Variants in CUX1 observed in about 807,000 individuals in gnomAD.
The protein encoded by CUX1 is protein CASP.
In CUX1, 31 loss-of-function variants were observed where a neutral mutation model predicts 158.8. The ratio of observed to expected loss-of-function variants is 0.20; its 90% CI spans 0.15 to 0.26. The LOEUF is 0.26. Among genes scored for constraint, CUX1 ranks in the 10% least tolerant of loss-of-function variants. The probability of loss-of-function intolerance (pLI) is 1.00; values close to 1 mark genes in which losing one functional copy is unlikely to be tolerated. For missense variants in CUX1, 1,589 were observed against 2,014.6 expected (o/e 0.79, Z 4.04); for synonymous variants, 879 against 862.1 (o/e 1.02, Z -0.34).
At chr7:101,881,439 C>T (rs929315445) in intron 1 of CUX1, among the ~76,000 whole-genome samples, 8 of 152,168 alleles carry the variant, frequency 5.3e-5, no homozygotes, top group Non-Finnish European at 7.3e-5. Context: ...CTGGCAGGCC[C>T]GAGTTGTTTG....
chr7:101,823,591 A>G (rs956486994), intron 1 of CUX1, among the ~76,000 whole-genome samples: 1 of 152,232 alleles, frequency 6.6e-6, no homozygotes, highest in Non-Finnish European at 1.5e-5. Context: ...CTGAGACACC[A>G]GGGAAGTGGC....
At chr7:101,859,365 G>C (rs1562937182) in intron 1 of CUX1, among the ~76,000 whole-genome samples, 1 of 152,194 alleles carries the variant, frequency 6.6e-6, no homozygotes, top group Non-Finnish European at 1.5e-5. Context: ...CTGAACCTGC[G>C]TGATTCAGCT....
chr7:102,037,597 C>G (rs557282220), intron 3 of CUX1, among the ~76,000 whole-genome samples: 1 of 151,584 alleles, frequency 6.6e-6, no homozygotes, highest in East Asian at 2.0e-4. Context: ...TGTGATCCAC[C>G]CACCTCGGCT....
At chr7:101,856,065 C>T (rs1796774879) in intron 1 of CUX1, among the ~76,000 whole-genome samples, 1 of 150,834 alleles carries the variant, frequency 6.6e-6, no homozygotes. Context: ...TCTGTAGTCT[C>T]AGCTCCTTGG....
intron 1 of CUX1, among the ~76,000 whole-genome samples, chr7:101,882,014 C>T (rs1799761013): frequency 2.0e-5 from 1 of 51,260 alleles, no homozygotes; most frequent in African/African-American, 7.7e-5. Context: ...CTTGTCTCTA[C>T]CCAAAAATAA....
intron 22 of CUX1, among the ~76,000 whole-genome samples, chr7:102,237,409 G>A (rs1183831979): frequency 3.3e-5 from 5 of 150,972 alleles, no homozygotes; most frequent in South Asian, 2.1e-4. Context: ...CCAGCTACCC[G>A]AGTAGCTGGG....
chr7:101,871,599 G>T (rs968196072), intron 1 of CUX1, among the ~76,000 whole-genome samples: 1 of 152,158 alleles, frequency 6.6e-6, no homozygotes, highest in Admixed American at 6.5e-5. Flanking sequence ...TGCAAGAGCC[G>T]GAAGGATGCA....
chr7:102,197,763 C>T lies in CUX1; in HGVS notation c.1894+458C>T, dbSNP rs1335242601. ...TAGGGAGAACACATCACAGATGACA[C>T]CTCCCCTCTTCCCACCCCGCAGAAG... On this transcript the variant is annotated intron_variant, in intron 15 of 23. Transcript: ENST00000292535. Among the ~76,000 whole-genome samples the T allele has an allele frequency of 2.0e-5, 3 of 152,076 alleles. No individual in the cohort carries two copies. In the South Asian group the frequency reaches 6.2e-4, roughly 32 times the overall value.
rs540210008 is a variant in CUX1, at chr7:102,201,608, C to T, written c.2311C>T (p.Pro771Ser). 6.2e-7 allele frequency: 1 copy of T among 1,614,050 alleles called. No homozygotes were observed. The highest frequency in any genetic ancestry group is 1.1e-5 in the South Asian group (1 of 91,086). The change falls in exon 18 of 24, where the codon CCT (proline) becomes TCT (serine). Residue 771 changes from proline (P) to serine (S), a missense_variant. This residue lies in a region of CUX1 where 337 missense variants were observed against 409.3 expected (regional missense o/e 0.82). Transcript: ENST00000292535. This position sits in a 1 kb window ranked among gnomAD's most constrained non-coding sequence, Gnocchi z 5.0. ...CTCCCTGAAGAAGCCCTCCGCAGCT[C>T]CTGAGGCCGGTGCCTCTGCTCTGCC... ...AISLKKPSAA[P>S]EAGASALPNP... is the part of the protein sequence containing the mutation.
intron 1 of CUX1, among the ~76,000 whole-genome samples, chr7:101,857,103 C>G (rs1487926266): frequency 1.3e-5 from 2 of 152,210 alleles, no homozygotes; most frequent in Non-Finnish European, 2.9e-5. Flanking sequence ...CCACCCGCCG[C>G]GGGCCACTTT....
At chr7:102,173,817 G>A (rs975148042) in intron 10 of CUX1, among the ~76,000 whole-genome samples, 5 of 152,112 alleles carry the variant, frequency 3.3e-5, no homozygotes, top group Non-Finnish European at 5.9e-5. Flanking sequence ...ACATGGCACC[G>A]GTTCAGTCTC....
At chr7:101,962,197 G>T (rs1317985286) in intron 2 of CUX1, among the ~76,000 whole-genome samples, 2 of 152,176 alleles carry the variant, frequency 1.3e-5, no homozygotes, top group African/African-American at 4.8e-5. Flanking sequence ...TGTCTGAAGA[G>T]CTGAAAACAC....
At chr7:101,909,373 G>A (rs1442879874) in intron 1 of CUX1, among the ~76,000 whole-genome samples, 2 of 152,228 alleles carry the variant, frequency 1.3e-5, no homozygotes, top group African/African-American at 4.8e-5. Context: ...TGTTTGAAGC[G>A]TCTTGGGATG....
At chr7:102,042,029 TGTGTGA>T (rs1251656528) in intron 3 of CUX1, among the ~76,000 whole-genome samples, 1 of 151,132 alleles carries the variant, frequency 6.6e-6, no homozygotes, top group Non-Finnish European at 1.5e-5. Context: ...GGAGGATGTG[TGTGTGA>T]GTGTGAGTGA....
intron 7 of CUX1, among the ~76,000 whole-genome samples, chr7:102,114,939 AAGGGAGGG>A (rs539543204): frequency 5.5e-5 from 8 of 146,198 alleles, no homozygotes; most frequent in African/African-American, 1.5e-4. Flanking sequence ...AGAAGAAAGG[AAGGGAGGG>A]AGGGAGGGAG....
chr7:102,279,771 G>A (rs782344291), intron 18 of CUX1, among the ~76,000 whole-genome samples: 4 of 152,124 alleles, frequency 2.6e-5, no homozygotes, highest in East Asian at 1.9e-4. Context: ...AGCTGCGCCC[G>A]GCCCTGCCTG....
rs1801358666 is a variant in CUX1, at chr7:102,250,310, C to T, written c.*1268C>T. 9.1e-6 allele frequency: 9 copies of T among 985,438 alleles called. No homozygotes were observed. The highest frequency in any genetic ancestry group is 1.1e-4 in the East Asian group (1 of 8,806). 61.0% of individuals were successfully genotyped at this position (985,438 alleles called of 1,614,324 possible). ...CACAGCAGGCAGTTCCAGGGCCAGACGGGCCCATCCCCAAGTAGATAGCAG... is the reference window on the plus strand; with the variant it reads ...CACAGCAGGCAGTTCCAGGGCCAGATGGGCCCATCCCCAAGTAGATAGCAG... On this transcript the variant is annotated 3_prime_UTR_variant, in exon 24 of 24. Coordinates refer to ENST00000292535, the MANE Select transcript of CUX1 (RefSeq NM_181552.4).
chr7:101,959,010 C>T (rs1240362580), intron 2 of CUX1, among the ~76,000 whole-genome samples: 1 of 151,670 alleles, frequency 6.6e-6, no homozygotes, highest in Non-Finnish European at 1.5e-5. Context: ...CTCATGCCAG[C>T]CACCATGTCT....
Position 102,097,383 on chromosome 7 carries a change from T to A in CUX1, c.288T>A (p.Asp96Glu), listed in dbSNP as rs782151315. The A allele has an allele frequency of 6.2e-7, 1 of 1,608,936 alleles. No individual in the cohort carries two copies. Among genetic ancestry groups the A allele is most frequent in the Non-Finnish European group, 8.5e-7 (1 of 1,178,908 alleles). ...IDVPDPVPAL[D>E]LGQQLQLKVQ... ...GTGCAGATCCCGTACCAGCTTTGGA[T>A]CTCGGACAGCAACTCCAGCTCAAAG... The change falls in exon 5 of 24, where the codon GAT becomes GAA. Residue 96 changes from aspartate to glutamate, a missense_variant. By Grantham distance (45) the Asp-to-Glu change is conservative. This residue lies in a region of CUX1 where 515 missense variants were observed against 574.4 expected (regional missense o/e 0.90). Coordinates refer to ENST00000292535, the MANE Select transcript of CUX1 (RefSeq NM_181552.4).
Sources: allele counts gnomAD v4.1 joint callset (sites outside exome capture counted in the v4.1 genomes callset), GRCh38; gene constraint gnomAD v4.1.1; regional missense constraint gnomAD v4.1.1; non-coding constraint Gnocchi (gnomAD v3.1); transcripts MANE v1.5; gene names NCBI Gene and HGNC (gene_info 2026-07-23, HGNC 2026-07-21).